The following CLCA4 variants were observed in gnomAD, a reference collection of about 807,000 sequenced individuals.
The protein encoded by CLCA4 is chloride channel accessory 4, also known as calcium-activated chloride channel regulator 4.
A neutral mutation model predicts 78.9 loss-of-function variants in CLCA4; 69 were observed. The ratio of observed to expected loss-of-function variants is 0.87; its 90% CI spans 0.72 to 1.07. CLCA4 has a LOEUF of 1.07. Ranked by LOEUF, CLCA4 falls within the 50% of genes least tolerant of loss-of-function variation. The probability of loss-of-function intolerance (pLI) is 0.00; values close to 1 mark genes in which losing one functional copy is unlikely to be tolerated. For missense variants in CLCA4, 1,133 were observed against 1,095.8 expected (o/e 1.03, Z -0.48); for synonymous variants, 362 against 375.8 (o/e 0.96, Z 0.42).
intron 12 of CLCA4, 80 bp from the exon 13 acceptor site, chr1:86,579,274 C>T (rs1471577571): frequency 3.8e-6 from 4 of 1,057,578 alleles, no homozygotes; most frequent in Non-Finnish European, 5.7e-6. Context: ...AAGGAAAAGA[C>T]AAGTGAAGAA....
At chr1:86,548,537 C>A (rs1649563276) in intron 1 of CLCA4, among the ~76,000 whole-genome samples, 1 of 151,794 alleles carries the variant, frequency 6.6e-6, no homozygotes, top group African/African-American at 2.4e-5. Flanking sequence ...AAAAAATTAG[C>A]TGGGCATGGT....
chr1:86,561,315 A>C (rs541382975), intron 3 of CLCA4, among the ~76,000 whole-genome samples: 2 of 152,220 alleles, frequency 1.3e-5, no homozygotes, highest in Non-Finnish European at 2.9e-5. Context: ...TTTCAACTAC[A>C]AGTATAAATA....
chr1:86,570,286 A>T (rs114524040), intron 7 of CLCA4, among the ~76,000 whole-genome samples: 1 of 151,920 alleles, frequency 6.6e-6, no homozygotes, highest in African/African-American at 2.4e-5. Flanking sequence ...AGGTCTCAAA[A>T]TGGTGCTCCA....
rs1223109210 is a variant in CLCA4 at position 86,580,227 on chromosome 1, C to T, written c.2642C>T (p.Pro881Leu). The T allele has an allele frequency of 1.9e-6, 3 of 1,610,826 alleles. No homozygotes were observed. The highest frequency in any genetic ancestry group is 1.3e-5 in the African/African-American group (1 of 74,704). The change falls in exon 14 of 14, where the codon CCT becomes CTT. Residue 881 changes from proline to leucine, a missense_variant. Pro to Leu is a moderately conservative substitution (Grantham distance 98). Transcript: ENST00000370563. The part of the protein sequence containing the change: ...NPDDIDPTPT[P>L]TPTPTPDKSH... ...GATGACATTGATCCTACACCTACTC[C>T]TACTCCTACTCCTACTCCTGATAAA...
At chr1:86,559,348 G>T (rs1256882625) in intron 1 of CLCA4, among the ~76,000 whole-genome samples, 1 of 152,044 alleles carries the variant, frequency 6.6e-6, no homozygotes, top group African/African-American at 2.4e-5. Context: ...TTCTCCTAAG[G>T]TTGGGATGAG....
At chr1:86,565,136 T>TAAAAAGCAGTGATGAA in intron 4 of CLCA4, 138 bp from the exon 5 acceptor site, 1 of 557,610 alleles carries the variant, frequency 1.8e-6, no homozygotes, top group Non-Finnish European at 3.1e-6. Flanking sequence ...TTAAACCCTA[T>TAAAAAGCAGTGATGAA]AGCCAGGATA....
At chr1:86,564,571 T>G (rs1650121933) in intron 4 of CLCA4, among the ~76,000 whole-genome samples, 1 of 152,160 alleles carries the variant, frequency 6.6e-6, no homozygotes, top group African/African-American at 2.4e-5. Context: ...ATCGACATAT[T>G]TATAAGACTC....
chr1:86,560,485 G>C, intron 3 of CLCA4, 127 bp downstream of exon 3: 1 of 889,710 alleles, frequency 1.1e-6, no homozygotes, highest in East Asian at 2.7e-5. Context: ...CTTACTAGCT[G>C]TATGTGACCT....
At position 86,565,944 on chromosome 1, in the gene CLCA4, C is replaced by T. The variant is rs1650176658; in HGVS notation, c.878C>T (p.Pro293Leu). ...ACCATACCCATGGTGACACCACCTC[C>T]TCCACCTGTCTTCTCATTGCTGAAG... Reference protein sequence around the residue: ...KNTIPMVTPPPPPVFSLLKIS... With the variant: ...KNTIPMVTPPLPPVFSLLKIS... The change falls in exon 6 of 14, where the codon CCT becomes CTT. Residue 293 changes from proline to leucine, a missense_variant. Coordinates refer to ENST00000370563, the MANE Select transcript of CLCA4 (RefSeq NM_012128.4). 1.2e-6 allele frequency: 2 copies of T among 1,613,256 alleles called. No homozygotes were observed. Among genetic ancestry groups the T allele is most frequent in the Non-Finnish European group, 1.7e-6 (2 of 1,179,444 alleles).
At position 86,559,952 on chromosome 1, in the gene CLCA4, T is replaced by C. The variant is rs1649962908; in HGVS notation, c.180T>C (p.Ser60=). The C allele has an allele frequency of 6.9e-6, 11 of 1,601,086 alleles. No individual in the cohort carries two copies. Among genetic ancestry groups the C allele is most frequent in the Non-Finnish European group, 8.5e-6 (10 of 1,175,076 alleles). Residue 60 remains serine, a synonymous_variant, in exon 2 of 14, where the codon TCT becomes TCC. Transcript: ENST00000370563. ...GACAGGATATGGTGACTACAGCTTC[T>C]ACGTACCTGTTTGAAGCCACAGAAA... ...EQIEDMVTTA[S]TYLFEATEKR...
chr1:86,567,707 A>T (rs1650244206), intron 7 of CLCA4, 56 bp downstream of exon 7: 15 of 1,397,008 alleles, frequency 1.1e-5, no homozygotes, highest in Non-Finnish European at 1.5e-5. Context: ...GGACATTTTC[A>T]TGTTAAGTGG....
intron 10 of CLCA4, 105 bp from the exon 11 acceptor site, chr1:86,575,227 T>C: frequency 3.0e-6 from 3 of 1,016,120 alleles, no homozygotes; most frequent in Non-Finnish European, 1.4e-6. Context: ...CCTTAAAACC[T>C]CTTTATTCTC....
chr1:86,570,982 T>G, intron 7 of CLCA4, 95 bp from the exon 8 acceptor site: 1 of 852,926 alleles, frequency 1.2e-6, no homozygotes, highest in Non-Finnish European at 1.8e-6. Flanking sequence ...CTGCATAACT[T>G]TGTTTATTTT....
intron 11 of CLCA4, among the ~76,000 whole-genome samples, chr1:86,575,800 A>T (rs1205336007): frequency 6.6e-6 from 1 of 151,912 alleles, no homozygotes; most frequent in East Asian, 1.9e-4. Context: ...CACTCAATCA[A>T]TGTTTTTGGG....
intron 12 of CLCA4, 21 bp from the exon 13 acceptor site, chr1:86,579,333 A>G: frequency 6.3e-7 from 1 of 1,581,996 alleles, no homozygotes; most frequent in Non-Finnish European, 8.7e-7. Flanking sequence ...CCCATTATAA[A>G]CCAGGAAATG....
intron 1 of CLCA4, among the ~76,000 whole-genome samples, chr1:86,557,317 A>T (rs2101795922): frequency 6.6e-6 from 1 of 151,990 alleles, no homozygotes; most frequent in African/African-American, 2.4e-5. Flanking sequence ...TTAATTTCGG[A>T]TCTTTCTAAC....
At chr1:86,552,634 G>GGTCTCCACCAGC in intron 1 of CLCA4, 1 of 720,800 alleles carries the variant, frequency 1.4e-6, no homozygotes, top group Non-Finnish European at 2.4e-6. Context: ...TCTCCACCAG[G>GGTCTCCACCAGC]ATCTCCACCA....
intron 3 of CLCA4, among the ~76,000 whole-genome samples, chr1:86,562,372 G>A (rs1416622941): frequency 6.6e-6 from 1 of 152,106 alleles, no homozygotes; most frequent in Non-Finnish European, 1.5e-5. Context: ...GGTTCCATTT[G>A]CCTAGGAAAC....
chr1:86,575,702 C>A, intron 11 of CLCA4, 103 bp downstream of exon 11: 1 of 1,055,858 alleles, frequency 9.5e-7, no homozygotes. Context: ...AGAATTGATG[C>A]AGATTAAGGA....
Sources: allele counts gnomAD v4.1 joint callset (sites outside exome capture counted in the v4.1 genomes callset), GRCh38; gene constraint gnomAD v4.1.1; transcripts MANE v1.5; gene names NCBI Gene and HGNC (gene_info 2026-07-23, HGNC 2026-07-21).